WDR75: variants seen among roughly 807,000 people sequenced by gnomAD.
WDR75 encodes the protein WD repeat domain 75.
In WDR75, 52 loss-of-function variants were observed where a neutral mutation model predicts 106.1. That is an observed-to-expected ratio of 0.49 (90% CI 0.39 to 0.62). The LOEUF (loss-of-function observed/expected upper bound fraction) is 0.62. Among genes scored for constraint, WDR75 ranks in the 20% least tolerant of loss-of-function variants. The pLI, the probability that WDR75 is intolerant of heterozygous loss-of-function variation, is 0.00. For synonymous variants in WDR75, 333 were observed against 335.5 expected, an observed-to-expected ratio of 0.99 and a Z score of 0.08; for missense variants, 905 against 970.3, an observed-to-expected ratio of 0.93 and a Z score of 0.89.
chr2:189,453,014 G>A (rs562894465), intron 4 of WDR75, among the ~76,000 whole-genome samples: 13 of 152,250 alleles, frequency 8.5e-5, no homozygotes, highest in African/African-American at 3.1e-4. Context: ...CAAAAAGAAA[G>A]AAAAGTAAGT....
In WDR75 at chr2:189,455,428, T is replaced by C. The variant is rs1423352581; in HGVS notation, c.482T>C (p.Ile161Thr). The change falls in exon 5 of 21, where the codon ATT becomes ACT. Residue 161 changes from isoleucine to threonine, a missense_variant. Physicochemically the swap from Ile to Thr is moderately conservative, Grantham distance 89. Transcript: ENST00000314761. ...TACATAAACCAGTCACCCAAGTGCATTGCCTTTGGAAACGAGGTAAATTTT... is the reference window on the plus strand; with the variant it reads ...TACATAAACCAGTCACCCAAGTGCACTGCCTTTGGAAACGAGGTAAATTTT... ...LDYINQSPKC[I>T]AFGNEGVYVA... 3 of 1,605,824 alleles carry C rather than the reference T, an allele frequency of 1.9e-6. No individual in the cohort carries two copies. Among genetic ancestry groups the C allele is most frequent in the East Asian group, 4.5e-5 (2 of 44,844 alleles).
At chr2:189,452,057 T>G in intron 4 of WDR75, 162 bp downstream of exon 4, 1 of 575,464 alleles carries the variant, frequency 1.7e-6, no homozygotes. Context: ...ATGGTTTGTA[T>G]GAATTCTGAA....
intron 20 of WDR75, 127 bp downstream of exon 20, chr2:189,474,935 A>C (rs1349541112): frequency 2.4e-6 from 2 of 839,186 alleles, no homozygotes; most frequent in Non-Finnish European, 3.8e-6. Context: ...AATAGATTTA[A>C]AGGCTATAGG....
rs1016375995 is a variant in WDR75 at position 189,475,428 on chromosome 2, T to C, written c.*11T>C. On this transcript the variant is annotated 3_prime_UTR_variant, in exon 21 of 21. Transcript: ENST00000314761. ...ATAGCTGCCCTTTAAGCCTTGGAGATGGGGAGGATCCTTGGACTTTGTGTT... is the reference window on the plus strand; with the variant it reads ...ATAGCTGCCCTTTAAGCCTTGGAGACGGGGAGGATCCTTGGACTTTGTGTT... The C allele has an allele frequency of 6.4e-7, 1 of 1,552,664 alleles. No individual in the cohort carries two copies. The highest frequency in any genetic ancestry group is 1.2e-5 in the South Asian group (1 of 84,638).
chr2:189,457,466 G>A (rs761588185), intron 6 of WDR75, 85 bp downstream of exon 6: 27 of 847,820 alleles, frequency 3.2e-5, no homozygotes, highest in Non-Finnish European at 4.7e-5. Context: ...ATAGTCCAAA[G>A]CTATTCCTAG....
At chr2:189,443,780 C>A (rs74542138) in intron 1 of WDR75, among the ~76,000 whole-genome samples, 3,955 of 152,178 alleles carry the variant, frequency 0.026, 82 homozygotes, top group Non-Finnish European at 0.04. Flanking sequence ...ATTGAGCCTT[C>A]TATGTAAAGT....
chr2:189,454,865 CAA>C (rs906157354), intron 4 of WDR75, among the ~76,000 whole-genome samples: 3 of 152,134 alleles, frequency 2.0e-5, no homozygotes, highest in East Asian at 1.9e-4. Context: ...CTCATTCAAA[CAA>C]AGAGTCCACC....
chr2:189,457,501 A>G, intron 6 of WDR75, 120 bp downstream of exon 6: 2 of 648,518 alleles, frequency 3.1e-6, no homozygotes, highest in Non-Finnish European at 2.7e-6. Context: ...AGAGTGTAAG[A>G]CTGTGAAGTA....
Position 189,449,883 on chromosome 2 carries a change from C to G in WDR75, c.217-1020C>G, listed in dbSNP as rs1428774815. 4.1e-6 allele frequency: 4 copies of G among 984,476 alleles called. No individual in the cohort carries two copies. In the African/African-American group the frequency reaches 5.2e-5, roughly 13 times the overall value. The allele number at this position is 984,476 out of a possible 1,614,324, so 61.0% of individuals were successfully genotyped here. ...TCTATTTGCAGAAATCCTAAAATTG[C>G]CACTTTCTTTAAAAATATTAAAATT... On this transcript the variant is annotated intron_variant, in intron 2 of 20. Coordinates refer to ENST00000314761, the MANE Select transcript of WDR75 (RefSeq NM_032168.3).
chr2:189,449,608 G>T, intron 2 of WDR75: 7 of 1,039,600 alleles, frequency 6.7e-6, no homozygotes, highest in Non-Finnish European at 8.1e-6. Flanking sequence ...TTAGAGAAGG[G>T]CAGTTTTATC....
In WDR75 at chr2:189,470,870, A is replaced by G. The variant is rs1319501592; in HGVS notation, c.2041A>G (p.Ser681Gly). The change falls in exon 18 of 21, where the codon AGC becomes GGC. Residue 681 changes from serine to glycine, a missense_variant. Physicochemically the swap from Ser to Gly is moderately conservative, Grantham distance 56. Transcript: ENST00000314761. Reference sequence around the variant, plus strand: ...TCCAGAAGAAAAACTCACACCAACAAGCAAACAGGTATGTTTTAGCCATTC... The same window carrying G: ...TCCAGAAGAAAAACTCACACCAACAGGCAAACAGGTATGTTTTAGCCATTC... ...KSPEEKLTPTSKQLLAEESLP... is the reference protein window; with the variant it reads ...KSPEEKLTPTGKQLLAEESLP... 2.5e-6 allele frequency: 4 copies of G among 1,603,042 alleles called. No homozygotes were observed. Among genetic ancestry groups the G allele is most frequent in the African/African-American group, 2.7e-5 (2 of 74,474 alleles).
intron 18 of WDR75, among the ~76,000 whole-genome samples, chr2:189,471,857 A>G (rs191573616): frequency 5.3e-5 from 8 of 152,294 alleles, no homozygotes; most frequent in East Asian, 1.9e-4. Flanking sequence ...AAGACCTTGC[A>G]TGTTTGGAAA....
chr2:189,472,163 TC>T (rs1558990256), intron 18 of WDR75, among the ~76,000 whole-genome samples: 1 of 152,156 alleles, frequency 6.6e-6, no homozygotes, highest in Non-Finnish European at 1.5e-5. Flanking sequence ...GTATTCACAG[TC>T]CACCAGAAGA....
intron 1 of WDR75, among the ~76,000 whole-genome samples, chr2:189,446,344 T>C (rs1456056912): frequency 1.3e-5 from 2 of 152,184 alleles, no homozygotes; most frequent in Non-Finnish European, 2.9e-5. Context: ...ACCTGGAGAC[T>C]GTAGGAAGCC....
In WDR75 at chr2:189,467,628, C is replaced by T. The variant is rs1345075739; in HGVS notation, c.1608C>T (p.Cys536=). The T allele has an allele frequency of 1.3e-6, 2 of 1,597,650 alleles. No homozygotes were observed. Among genetic ancestry groups the T allele is most frequent in the African/African-American group, 1.3e-5 (1 of 74,278 alleles). Residue 536 remains cysteine (C), a synonymous_variant, in exon 14 of 21, where the codon TGC becomes TGT. Transcript: ENST00000314761. Reference sequence around the variant, plus strand: ...CATGGGAACTTAAATGTACATTTTGCCAACGAGCTGGGAAAATAAGGTAGG... The same window carrying T: ...CATGGGAACTTAAATGTACATTTTGTCAACGAGCTGGGAAAATAAGGTAGG... ...SVTWELKCTF[C]QRAGKIRHLC...
At chr2:189,463,299 C>T (rs968953962) in intron 9 of WDR75, among the ~76,000 whole-genome samples, 2 of 152,098 alleles carry the variant, frequency 1.3e-5, no homozygotes, top group Non-Finnish European at 2.9e-5. Flanking sequence ...AACAGAAAAG[C>T]CCCTATCCCC....
chr2:189,467,578 A>G lies in WDR75; in HGVS notation c.1558A>G (p.Ile520Val), dbSNP rs1160820655. ...TTTACTAGCAGTTAGTTTTGAGGAA[A>G]TAGTCACAATATGGGATTCTGTAAC... ...GSLLAVSFEE[I>V]VTIWDSVTWE... Residue 520 changes from isoleucine (I) to valine (V), a missense_variant, in exon 14 of 21, where the codon ATA becomes GTA. By Grantham distance (29) the Ile-to-Val change is conservative. Transcript: ENST00000314761. 4 of 1,611,434 alleles carry G rather than the reference A, an allele frequency of 2.5e-6. No individual in the cohort carries two copies. Among genetic ancestry groups the G allele is most frequent in the Middle Eastern group, 1.6e-4 (1 of 6,068 alleles).
intron 7 of WDR75, 138 bp downstream of exon 7, chr2:189,459,010 T>G: frequency 2.6e-6 from 3 of 1,153,118 alleles, no homozygotes; most frequent in South Asian, 2.1e-5. Context: ...ACTTACTGTT[T>G]TAGAATTTCT....
intron 6 of WDR75, 106 bp from the exon 7 acceptor site, chr2:189,458,647 T>A: frequency 1.1e-6 from 1 of 914,700 alleles, no homozygotes; most frequent in Non-Finnish European, 1.5e-6. Flanking sequence ...AATTCTGAGC[T>A]CTACAATTTT....
Sources: gnomAD v4.1 joint callset for allele counts (sites outside exome capture counted in the v4.1 genomes callset) on GRCh38, gnomAD v4.1.1 for gene constraint, MANE v1.5 for transcripts, NCBI Gene and HGNC (gene_info 2026-07-23, HGNC 2026-07-21) for gene names.